Variants in KYAT1 observed in about 807,000 individuals in gnomAD.
KYAT1 encodes kynurenine--oxoglutarate transaminase 1.
In KYAT1, 47 loss-of-function variants were observed where a neutral mutation model predicts 52.4. The ratio of observed to expected loss-of-function variants is 0.90; its 90% CI spans 0.71 to 1.14. The LOEUF (loss-of-function observed/expected upper bound fraction) is 1.14. KYAT1 is among the 50% of genes most tolerant of loss of function. The probability of loss-of-function intolerance (pLI) is 0.00; values close to 1 mark genes in which losing one functional copy is unlikely to be tolerated. For missense variants in KYAT1, 480 were observed against 557.9 expected (o/e 0.86, Z 1.41); for synonymous variants, 212 against 209.6 (o/e 1.01, Z -0.10).
At chr9:128,852,717 C>T (rs1285037839) in intron 1 of KYAT1, among the ~76,000 whole-genome samples, 1 of 152,166 alleles carries the variant, frequency 6.6e-6, no homozygotes, top group African/African-American at 2.4e-5. Flanking sequence ...AGAAAAGACA[C>T]ATTAAAAAAC....
In KYAT1 at chr9:128,833,613, T is replaced by C. The variant is rs1199579386; in HGVS notation, c.1240A>G (p.Lys414Glu). ...AGTTCCACCTTCCACTTCCGCAGCT[T>C]CTCGTCCATGGCCTGGAGCGTGGCT... ...DEATLQAMDE[K>E]LRKWKVEL The change falls in exon 13 of 13, where the codon AAG becomes GAG. Residue 414 changes from lysine to glutamate, a missense_variant. Physicochemically the swap from Lys to Glu is moderately conservative, Grantham distance 56. Transcript: ENST00000302586. 3 of 1,614,210 alleles carry C rather than the reference T, an allele frequency of 1.9e-6. No homozygotes were observed. In the East Asian group the frequency reaches 6.7e-5, roughly 36 times the overall value.
At chr9:128,855,393 C>T (rs1008495540) in intron 1 of KYAT1, among the ~76,000 whole-genome samples, 7 of 152,222 alleles carry the variant, frequency 4.6e-5, no homozygotes, top group African/African-American at 9.6e-5. Flanking sequence ...AGTCCTGTTA[C>T]TGCTCCTGAA....
chr9:128,881,834 A>G (rs1838977184), intron 1 of KYAT1, 63 bp downstream of exon 1: 1 of 152,344 alleles, frequency 6.6e-6, no homozygotes, highest in African/African-American at 2.4e-5. Flanking sequence ...CGGAACCGTT[A>G]GCCGACCCTC....
In KYAT1 at chr9:128,878,281, C is replaced by T. The variant is rs1268700643; in HGVS notation, c.-7+3616G>A. On this transcript the variant is annotated intron_variant, in intron 1 of 12. Coordinates refer to ENST00000302586, the MANE Select transcript of KYAT1 (RefSeq NM_004059.5). ...TCCAGAGTAGCTGGGACCACAGGCA[C>T]GTGCCACCACACCCAGCTAATTTTT... is the stretch of plus-strand genomic sequence containing the variant. 4.6e-5 allele frequency among the ~76,000 whole-genome samples: 7 copies of T among 152,032 alleles called. 1 individual carries two copies. In the South Asian group the frequency reaches 6.2e-4, roughly 14 times the overall value.
chr9:128,836,019 G>A lies in KYAT1; in HGVS notation c.743C>T (p.Thr248Ile), dbSNP rs1164310125. The stretch of plus-strand genomic sequence containing the variant: ...CACCTTCCAGCCAGTGGCGCTGAAG[G>A]TCTTGCCGGCGCTGCCGATGGTCAG... ...RTLTIGSAGK[T>I]FSATGWKVGW... The change falls in exon 8 of 13, where the codon ACC (threonine) becomes ATC (isoleucine). Residue 248 changes from threonine to isoleucine, a missense_variant. Thr to Ile is a moderately conservative substitution (Grantham distance 89). Transcript: ENST00000302586. The A allele has an allele frequency of 5.0e-6, 8 of 1,613,770 alleles. No individual in the cohort carries two copies. Among genetic ancestry groups the A allele is most frequent in the Non-Finnish European group, 5.9e-6 (7 of 1,179,842 alleles).
At chr9:128,865,392 C>T (rs1451520908) in intron 1 of KYAT1, among the ~76,000 whole-genome samples, 3 of 76,916 alleles carry the variant, frequency 3.9e-5, no homozygotes, top group Admixed American at 3.2e-4. Flanking sequence ...GACAGAGTTT[C>T]GCTCTTGTTG....
At position 128,869,170 on chromosome 9, in the gene KYAT1, GT is replaced by G. The variant is rs201244446; in HGVS notation, c.-7+12726del. ...GATTTTTGACAAGGGCACCAAGCCT[GT>G]TTTTTTTTGAGATGGAGTCTCGCTC... is the stretch of plus-strand genomic sequence containing the variant. On this transcript the variant is annotated intron_variant, in intron 1 of 12. Coordinates refer to ENST00000302586, the MANE Select transcript of KYAT1 (RefSeq NM_004059.5). 7.5e-3 allele frequency among the ~76,000 whole-genome samples: 1,108 copies of G among 147,698 alleles called. 7 individuals are homozygous for G. Among genetic ancestry groups the G allele is most frequent in the African/African-American group, 0.02 (786 of 40,106 alleles).
At chr9:128,877,127 G>A (rs940083211) in intron 1 of KYAT1, among the ~76,000 whole-genome samples, 5 of 151,982 alleles carry the variant, frequency 3.3e-5, no homozygotes, top group African/African-American at 1.2e-4. Flanking sequence ...TGAACTTCTG[G>A]CCTCTGGTGA....
chr9:128,874,747 C>T (rs1287938994), intron 1 of KYAT1, among the ~76,000 whole-genome samples: 36 of 115,336 alleles, frequency 3.1e-4, no homozygotes, highest in Admixed American at 1.1e-3. Context: ...TTTTTTGAGA[C>T]GGAGTCTCGC....
chr9:128,841,576 G>C (rs1289447728), intron 3 of KYAT1, among the ~76,000 whole-genome samples: 1 of 151,004 alleles, frequency 6.6e-6, no homozygotes, highest in African/African-American at 2.4e-5. Context: ...CACCCCTATA[G>C]TCCCAGCTAC....
In KYAT1 at chr9:128,833,107, C is replaced by T. The variant is rs190246604; in HGVS notation, c.*477G>A. ...GCATGAGTGTGAAGCAGAGAGAAGCCGTCAATAAGGATCTTAATAACTTAA... is the reference window on the plus strand; with the variant it reads ...GCATGAGTGTGAAGCAGAGAGAAGCTGTCAATAAGGATCTTAATAACTTAA... On this transcript the variant is annotated 3_prime_UTR_variant, in exon 13 of 13. Coordinates refer to ENST00000302586, the MANE Select transcript of KYAT1 (RefSeq NM_004059.5). The T allele has an allele frequency of 1.2e-5, 2 of 167,360 alleles. No homozygotes were observed. Among genetic ancestry groups the T allele is most frequent in the East Asian group, 1.7e-4 (1 of 5,972 alleles). 10.4% of individuals were successfully genotyped at this position (167,360 alleles called of 1,614,324 possible). A position where few individuals can be genotyped will look rare whatever the true frequency, so the allele number is the denominator to read the frequency against.
intron 1 of KYAT1, among the ~76,000 whole-genome samples, chr9:128,863,704 C>T (rs916019670): frequency 1.3e-5 from 2 of 152,092 alleles, no homozygotes; most frequent in Non-Finnish European, 2.9e-5. Flanking sequence ...TGGTTGGGAG[C>T]AACTTGGGGG....
intron 1 of KYAT1, among the ~76,000 whole-genome samples, chr9:128,873,744 G>C (rs961717258): frequency 6.6e-6 from 1 of 151,260 alleles, no homozygotes; most frequent in Non-Finnish European, 1.5e-5. Context: ...GCACTCCACA[G>C]AGCGAGACTC....
chr9:128,836,756 C>A (rs1395160856), intron 7 of KYAT1, 46 bp downstream of exon 7: 2 of 1,600,516 alleles, frequency 1.2e-6, no homozygotes, highest in African/African-American at 1.3e-5. Context: ...GGTCAAGGCC[C>A]TCCCACCAAT....
chr9:128,879,007 C>A (rs540602447), intron 1 of KYAT1, among the ~76,000 whole-genome samples: 1 of 152,256 alleles, frequency 6.6e-6, no homozygotes, highest in East Asian at 1.9e-4. Flanking sequence ...ATAGGATGAG[C>A]ATTTTAAAAA....
In KYAT1 at chr9:128,838,121, G is replaced by A; in HGVS notation, c.368C>T (p.Pro123Leu). ...CATGGGCTCGTAGCAGTCAAAAAAGGGTTCGATGATGATGACCTGATATAA... is the reference window on the plus strand; with the variant it reads ...CATGGGCTCGTAGCAGTCAAAAAAGAGTTCGATGATGATGACCTGATATAA... ...DEGDEVIIIE[P>L]FFDCYEPMTM... The change falls in exon 5 of 13, where the codon CCC (proline) becomes CTC (leucine). Residue 123 changes from proline (P) to leucine (L), a missense_variant. Pro to Leu is a moderately conservative substitution (Grantham distance 98). Transcript: ENST00000302586. 3 of 1,614,162 alleles carry A rather than the reference G, an allele frequency of 1.9e-6. No homozygotes were observed. The highest frequency in any genetic ancestry group is 1.3e-5 in the African/African-American group (1 of 75,016).
intron 7 of KYAT1, 98 bp downstream of exon 7, chr9:128,836,703 AC>A: frequency 7.2e-7 from 1 of 1,391,364 alleles, no homozygotes; most frequent in Non-Finnish European, 9.8e-7. Flanking sequence ...GGGCTCCATA[AC>A]CCTGGGTTCT....
At chr9:128,840,568 GAA>G (rs369955556) in intron 3 of KYAT1, 2 of 295,508 alleles carry the variant, frequency 6.8e-6, no homozygotes, top group Non-Finnish European at 6.5e-6. Flanking sequence ...CTAGTTAAAA[GAA>G]AAAAAAAAGA....
chr9:128,838,643 C>T (rs1443577744), intron 3 of KYAT1, among the ~76,000 whole-genome samples: 2 of 152,236 alleles, frequency 1.3e-5, no homozygotes, highest in African/African-American at 4.8e-5. Flanking sequence ...GTAAAGGTCA[C>T]ACAATCTATA....
Sources: allele counts gnomAD v4.1 joint callset (sites outside exome capture counted in the v4.1 genomes callset), GRCh38; gene constraint gnomAD v4.1.1; transcripts MANE v1.5; gene names NCBI Gene and HGNC (gene_info 2026-07-23, HGNC 2026-07-21).